The following ERBB4 variants were observed in gnomAD, a reference collection of about 807,000 sequenced individuals.
The protein encoded by ERBB4 is erb-b2 receptor tyrosine kinase 4.
Under a neutral mutation model 158.0 loss-of-function variants are expected in ERBB4, and 42 were observed. The observed-to-expected ratio is 0.27, with a 90% CI of 0.21 to 0.34. The LOEUF (loss-of-function observed/expected upper bound fraction) is 0.34. ERBB4 is among the 10% of genes least tolerant of loss of function. ERBB4 has a pLI of 1.00. For synonymous variants in ERBB4, 583 were observed against 558.7 expected (o/e 1.04, Z -0.61); for missense variants, 1,333 against 1,624.1 (o/e 0.82, Z 3.08).
At chr2:211,897,481 T>C (rs1013594550) in intron 3 of ERBB4, among the ~76,000 whole-genome samples, 11 of 149,994 alleles carry the variant, frequency 7.3e-5, no homozygotes, top group African/African-American at 2.0e-4. Flanking sequence ...CCTTTGCAAA[T>C]AGAAAAGTCA....
intron 3 of ERBB4, among the ~76,000 whole-genome samples, chr2:211,796,140 G>T (rs2076377346): frequency 6.6e-6 from 1 of 151,812 alleles, no homozygotes; most frequent in South Asian, 2.1e-4. Flanking sequence ...CAACACCACA[G>T]CAGCCTTCCT....
At position 211,379,736 on chromosome 2, in the gene ERBB4, C is replaced by T; in HGVS notation, c.*3879G>A. On this transcript the variant is annotated 3_prime_UTR_variant, in exon 28 of 28. Transcript: ENST00000342788. ...ATCACCTTTTCTATTACCTTATGAACTACATATACTAGTTAAATTATCAAC... is the reference window on the plus strand; with the variant it reads ...ATCACCTTTTCTATTACCTTATGAATTACATATACTAGTTAAATTATCAAC... 4.3e-6 allele frequency: 1 copy of T among 231,938 alleles called. No individual in the cohort carries two copies. Among genetic ancestry groups the T allele is most frequent in the Non-Finnish European group, 8.5e-6 (1 of 117,296 alleles). 14.4% of individuals were successfully genotyped at this position (231,938 alleles called of 1,614,324 possible).
chr2:212,043,264 C>G (rs1423194726), intron 2 of ERBB4, among the ~76,000 whole-genome samples: 1 of 152,168 alleles, frequency 6.6e-6, no homozygotes, highest in Non-Finnish European at 1.5e-5. Context: ...TTGACAAAGA[C>G]TCAACTCTCA....
chr2:212,109,821 T>C (rs2079349016), intron 2 of ERBB4, among the ~76,000 whole-genome samples: 1 of 152,146 alleles, frequency 6.6e-6, no homozygotes, highest in Admixed American at 6.6e-5. Flanking sequence ...ACTGCAACAA[T>C]TTGTTGTGAC....
At chr2:212,120,615 G>C (rs1435642978) in intron 2 of ERBB4, among the ~76,000 whole-genome samples, 1 of 152,040 alleles carries the variant, frequency 6.6e-6, no homozygotes, top group African/African-American at 2.4e-5. Context: ...TAAAACAAAT[G>C]CCAAAGCAAA....
chr2:212,279,247 T>A (rs1200072107), intron 1 of ERBB4, among the ~76,000 whole-genome samples: 2 of 151,170 alleles, frequency 1.3e-5, no homozygotes, highest in Non-Finnish European at 3.0e-5. Context: ...AAAAGGTGCA[T>A]AAAATATCAG....
chr2:211,735,340 T>C (rs187792992), intron 5 of ERBB4, among the ~76,000 whole-genome samples: 209 of 152,318 alleles, frequency 1.4e-3, no homozygotes, highest in Non-Finnish European at 2.3e-3. Context: ...AAATCATAAG[T>C]TATTATCAAA....
intron 2 of ERBB4, among the ~76,000 whole-genome samples, chr2:212,001,731 A>C (rs2076110321): frequency 6.6e-6 from 1 of 152,180 alleles, no homozygotes; most frequent in Non-Finnish European, 1.5e-5. Flanking sequence ...GAACTGTGAA[A>C]AGATGAAATA....
chr2:211,605,499 G>A (rs1284111126), intron 19 of ERBB4, among the ~76,000 whole-genome samples: 1 of 151,934 alleles, frequency 6.6e-6, no homozygotes, highest in African/African-American at 2.4e-5. Flanking sequence ...CTAAAGTCTT[G>A]GTATATGTCC....
Position 211,383,618 on chromosome 2 carries a change from C to A in ERBB4, c.3924G>T (p.Val1308=), listed in dbSNP as rs766758455. The A allele has an allele frequency of 6.2e-7, 1 of 1,612,488 alleles. No homozygotes were observed. The highest frequency in any genetic ancestry group is 8.5e-7 in the Non-Finnish European group (1 of 1,179,654). The change falls in exon 28 of 28, where the codon GTG becomes GTT. Residue 1308 remains valine, a synonymous_variant. Transcript: ENST00000342788. ...PPPYRHRNTV[V] ...ACCTAAAAAACCACAACTGAGCTTA[C>A]ACCACAGTATTCCGGTGTCTGTAAG...
At chr2:212,504,869 T>C (rs927423151) in intron 1 of ERBB4, among the ~76,000 whole-genome samples, 9 of 152,156 alleles carry the variant, frequency 5.9e-5, no homozygotes, top group African/African-American at 1.9e-4. Flanking sequence ...ATAGTATCAA[T>C]GAAGTTGGTA....
intron 5 of ERBB4, among the ~76,000 whole-genome samples, chr2:211,746,914 G>T (rs542226332): frequency 4.6e-5 from 7 of 151,754 alleles, no homozygotes; most frequent in Non-Finnish European, 8.8e-5. Flanking sequence ...CAGTGTAGCT[G>T]GACCTCACGG....
chr2:212,529,020 T>A (rs1692601410), intron 1 of ERBB4, among the ~76,000 whole-genome samples: 1 of 152,190 alleles, frequency 6.6e-6, no homozygotes, highest in Non-Finnish European at 1.5e-5. Flanking sequence ...ATTAACATTT[T>A]ATCTGGAGGC....
At chr2:211,560,457 A>G (rs2067360464) in intron 20 of ERBB4, among the ~76,000 whole-genome samples, 1 of 151,430 alleles carries the variant, frequency 6.6e-6, no homozygotes, top group Non-Finnish European at 1.5e-5. Flanking sequence ...TATTTTTAGT[A>G]GAGATGGGGT....
At chr2:211,454,269 A>T (rs2064324857) in intron 20 of ERBB4, among the ~76,000 whole-genome samples, 2 of 152,226 alleles carry the variant, frequency 1.3e-5, no homozygotes, top group South Asian at 4.1e-4. Flanking sequence ...TTGTAACCTG[A>T]GAACACTTTG....
intron 1 of ERBB4, among the ~76,000 whole-genome samples, chr2:212,430,437 T>G (rs1188148251): frequency 1.4e-5 from 2 of 138,750 alleles, no homozygotes; most frequent in South Asian, 2.3e-4. Context: ...CGCATGTTGG[T>G]TTTTTTTTTT....
chr2:211,821,246 G>T (rs2076989359), intron 3 of ERBB4, among the ~76,000 whole-genome samples: 1 of 151,620 alleles, frequency 6.6e-6, no homozygotes, highest in African/African-American at 2.4e-5. Context: ...AAGAAAGCTA[G>T]AAGACAATCT....
At chr2:212,048,282 T>C (rs1412854479) in intron 2 of ERBB4, among the ~76,000 whole-genome samples, 1 of 151,918 alleles carries the variant, frequency 6.6e-6, no homozygotes, top group Non-Finnish European at 1.5e-5. Flanking sequence ...AATCCTGGAG[T>C]ATTTAAGTGG....
At chr2:212,255,981 T>G in intron 1 of ERBB4, among the ~76,000 whole-genome samples, 1 of 143,428 alleles carries the variant, frequency 7.0e-6, no homozygotes, top group Non-Finnish European at 1.5e-5. Context: ...CCACCATTCC[T>G]GGCTAAGTTT....
Sources: gnomAD v4.1 joint callset for allele counts (sites outside exome capture counted in the v4.1 genomes callset) on GRCh38, gnomAD v4.1.1 for gene constraint, MANE v1.5 for transcripts, NCBI Gene and HGNC (gene_info 2026-07-23, HGNC 2026-07-21) for gene names.